MAP1A: variants seen among roughly 807,000 people sequenced by gnomAD.
The protein encoded by MAP1A is microtubule-associated protein 1A.
In MAP1A, 42 loss-of-function variants were observed where a neutral mutation model predicts 185.9. That is an observed-to-expected ratio of 0.23 (90% CI 0.18 to 0.29). MAP1A has a LOEUF of 0.29. Ranked by LOEUF, MAP1A falls within the 10% of genes least tolerant of loss-of-function variation. The pLI, the probability that MAP1A is intolerant of heterozygous loss-of-function variation, is 1.00. For synonymous variants in MAP1A, 1,229 were observed against 1,335.9 expected (o/e 0.92, Z 1.74); for missense variants, 2,995 against 3,450.4 (o/e 0.87, Z 3.31).
At position 43,525,433 on chromosome 15, in the gene MAP1A, T is replaced by G; in HGVS notation, c.3960T>G (p.Asp1320Glu). ...CTGATGAACACATTCTGACACCTGATAGCTCCTTCTCCAAGAGTCCTGAGT... is the reference window on the plus strand; with the variant it reads ...CTGATGAACACATTCTGACACCTGAGAGCTCCTTCTCCAAGAGTCCTGAGT... ...TSPDEHILTP[D>E]SSFSKSPESL... Residue 1320 changes from aspartate (D) to glutamate (E), a missense_variant, in exon 4 of 6, where the codon GAT becomes GAG. Physicochemically the swap from Asp to Glu is conservative, Grantham distance 45. Coordinates refer to ENST00000300231, the MANE Select transcript of MAP1A (RefSeq NM_002373.6). 1.2e-6 allele frequency: 2 copies of G among 1,614,182 alleles called. No individual in the cohort carries two copies. The highest frequency in any genetic ancestry group is 1.7e-6 in the Non-Finnish European group (2 of 1,180,026).
rs1462153283 is a variant in MAP1A, at chr15:43,521,944, G to A, written c.471G>A (p.Glu157=). The A allele has an allele frequency of 6.2e-7, 1 of 1,614,188 alleles. No homozygotes were observed. The highest frequency in any genetic ancestry group is 8.5e-7 in the Non-Finnish European group (1 of 1,180,036). Residue 157 remains glutamate, a synonymous_variant, in exon 4 of 6, where the codon GAG becomes GAA. Coordinates refer to ENST00000300231, the MANE Select transcript of MAP1A (RefSeq NM_002373.6). This position sits in a 1 kb window ranked among gnomAD's most constrained non-coding sequence, Gnocchi z 4.6. ...CCCGGAAAGCCAAGCGTAGCATTGA[G>A]GAGGCCTGCCTCACTCTGCAGCACT... ...DASRKAKRSI[E]EACLTLQHLN...
At chr15:43,512,377 G>C in intron 2 of MAP1A, 1 of 940,776 alleles carries the variant, frequency 1.1e-6, no homozygotes, top group Non-Finnish European at 1.7e-6. Flanking sequence ...CCTTGCGGGA[G>C]GTTTGAGTGG....
rs780101603 is a variant in MAP1A at position 43,527,840 on chromosome 15, C to A, written c.6367C>A (p.Gln2123Lys). The change falls in exon 4 of 6, where the codon CAA becomes AAA. Residue 2123 changes from glutamine to lysine, a missense_variant. Physicochemically the swap from Gln to Lys is moderately conservative, Grantham distance 53. Transcript: ENST00000300231. Reference sequence around the variant, plus strand: ...TCGGGAACAGCCAGAAAAAGAGGCCCAATCCCCAAGTCCTCCTCACCCCAT... The same window carrying A: ...TCGGGAACAGCCAGAAAAAGAGGCCAAATCCCCAAGTCCTCCTCACCCCAT... ...GAREQPEKEA[Q>K]SPSPPHPIPM... The A allele has an allele frequency of 3.7e-6, 6 of 1,613,870 alleles. No individual in the cohort carries two copies. The African/African-American group carries it at 8.0e-5, about 22-fold the overall frequency.
chr15:43,524,001 C>T lies in MAP1A; in HGVS notation c.2528C>T (p.Thr843Ile), dbSNP rs772780219. 2.5e-6 allele frequency: 4 copies of T among 1,614,126 alleles called. No individual in the cohort carries two copies. The East Asian group carries it at 8.9e-5, about 36-fold the overall frequency. Residue 843 changes from threonine (T) to isoleucine (I), a missense_variant, in exon 4 of 6, where the codon ACA (threonine) becomes ATA (isoleucine). Thr to Ile is a moderately conservative substitution (Grantham distance 89). Coordinates refer to ENST00000300231, the MANE Select transcript of MAP1A (RefSeq NM_002373.6). The stretch of plus-strand genomic sequence containing the variant: ...TGTGACAAACTTTCTTCCTTTGCCA[C>T]ATCAGTGGCTGAGGACCAATCTGTG... ...TECDKLSSFA[T>I]SVAEDQSVAS...
upstream of MAP1A, among the ~76,000 whole-genome samples, chr15:43,514,279 G>A (rs986113323): frequency 6.6e-6 from 1 of 152,188 alleles, no homozygotes; most frequent in South Asian, 2.1e-4. Flanking sequence ...CAGGAGAATA[G>A]TAGAGAATTT....
In MAP1A at chr15:43,525,191, C is replaced by G; in HGVS notation, c.3718C>G (p.Leu1240Val). ...CCTTGGGAAGGAAGAAATGGGGCAT[C>G]TGATGCAGGCCGAGGATACCTCTCA... ...LNLGKEEMGH[L>V]MQAEDTSHHT... Residue 1240 changes from leucine (L) to valine (V), a missense_variant, in exon 4 of 6, where the codon CTG becomes GTG. By Grantham distance (32) the Leu-to-Val change is conservative. Around this residue, in one of 3 missense-constraint regions of MAP1A, gnomAD observed 2,728 missense variants for 2,986.0 expected, o/e 0.91. Coordinates refer to ENST00000300231, the MANE Select transcript of MAP1A (RefSeq NM_002373.6). 1 of 1,614,182 alleles carries G rather than the reference C, an allele frequency of 6.2e-7. No homozygotes were observed.
At position 43,521,599 on chromosome 15, in the gene MAP1A, C is replaced by T. The variant is rs758390056; in HGVS notation, c.126C>T (p.Ile42=). 1.9e-6 allele frequency: 3 copies of T among 1,614,162 alleles called. No homozygotes were observed. Among genetic ancestry groups the T allele is most frequent in the South Asian group, 2.2e-5 (2 of 91,084 alleles). The change falls in exon 4 of 6, where the codon ATC becomes ATT. Residue 42 remains isoleucine (I), a synonymous_variant. Coordinates refer to ENST00000300231, the MANE Select transcript of MAP1A (RefSeq NM_002373.6). This position sits in a 1 kb window ranked among gnomAD's most constrained non-coding sequence, Gnocchi z 4.6. ...FLKLSKPCCY[I]FPGGRGDSAL... Reference sequence around the variant, plus strand: ...AGCTCTCCAAGCCTTGTTGCTACATCTTCCCAGGTGGTCGTGGGGACTCTG... The same window carrying T: ...AGCTCTCCAAGCCTTGTTGCTACATTTTCCCAGGTGGTCGTGGGGACTCTG...
chr15:43,524,552 G>A lies in MAP1A; in HGVS notation c.3079G>A (p.Ala1027Thr), dbSNP rs188722840. 1.2e-6 allele frequency: 2 copies of A among 1,614,146 alleles called. No homozygotes were observed. Among genetic ancestry groups the A allele is most frequent in the East Asian group, 4.5e-5 (2 of 44,876 alleles). ...EKSEPQDFQE[A>T]DSWGDTKRTP... The stretch of plus-strand genomic sequence containing the variant: ...GTCTGAGCCCCAAGACTTTCAGGAG[G>A]CAGACTCCTGGGGAGACACTAAGCG... Residue 1027 changes from alanine to threonine, a missense_variant, in exon 4 of 6, where the codon GCA becomes ACA. Ala to Thr is a moderately conservative substitution (Grantham distance 58, BLOSUM62 0). This residue lies in a region of MAP1A where 2,728 missense variants were observed against 2,986.0 expected (regional missense o/e 0.91). Coordinates refer to ENST00000300231, the MANE Select transcript of MAP1A (RefSeq NM_002373.6).
chr15:43,529,179 G>A lies in MAP1A; in HGVS notation c.7706G>A (p.Arg2569His), dbSNP rs765196727. 10 of 842,396 alleles carry A rather than the reference G, an allele frequency of 1.2e-5. No homozygotes were observed. Among genetic ancestry groups the A allele is most frequent in the South Asian group, 3.9e-5 (3 of 77,200 alleles). 52.2% of individuals were successfully genotyped at this position (842,396 alleles called of 1,614,324 possible). A position where few individuals can be genotyped will look rare whatever the true frequency, so the allele number is the denominator to read the frequency against. Residue 2569 changes from arginine (R) to histidine (H), a missense_variant, in exon 4 of 6, where the codon CGC becomes CAC. This residue lies in a region of MAP1A where 2,728 missense variants were observed against 2,986.0 expected (regional missense o/e 0.91). Transcript: ENST00000300231. The surrounding 1 kb of genome is among the most constrained non-coding windows in gnomAD (Gnocchi z 4.3). The part of the protein sequence containing the change: ...DPPPLPQPDP[R>H]PSPPRPDVCM... ...CCTCCTCTCCCACAGCCAGACCCCC[G>A]CCCATCCCCTCCCCGCCCTGATGTG...
intron 1 of MAP1A, among the ~76,000 whole-genome samples, chr15:43,511,733 T>G (rs2140198987): frequency 6.6e-6 from 1 of 152,328 alleles, no homozygotes; most frequent in East Asian, 1.9e-4. Flanking sequence ...TGCCTGTGGC[T>G]GTGGTGCAGT....
Position 43,528,971 on chromosome 15 carries a change from C to G in MAP1A, c.7498C>G (p.Pro2500Ala). ...GPCPVTDETPPTSASDSGSSQ... is the reference protein window; with the variant it reads ...GPCPVTDETPATSASDSGSSQ... Reference sequence around the variant, plus strand: ...ATGCCCTGTGACTGATGAGACACCCCCTACATCAGCCAGTGACTCAGGCTC... The same window carrying G: ...ATGCCCTGTGACTGATGAGACACCCGCTACATCAGCCAGTGACTCAGGCTC... Residue 2500 changes from proline (P) to alanine (A), a missense_variant, in exon 4 of 6, where the codon CCT (proline) becomes GCT (alanine). Around this residue, in one of 3 missense-constraint regions of MAP1A, gnomAD observed 2,728 missense variants for 2,986.0 expected, o/e 0.91. Transcript: ENST00000300231. The G allele has an allele frequency of 6.2e-7, 1 of 1,613,384 alleles. No individual in the cohort carries two copies. The highest frequency in any genetic ancestry group is 8.5e-7 in the Non-Finnish European group (1 of 1,180,014).
chr15:43,523,314 C>T lies in MAP1A; in HGVS notation c.1841C>T (p.Ala614Val). ...AAGGACAGAGGCCTAGACTCTGGGGCTGAAACAGAGGAAGAGAAAGATACC... is the reference window on the plus strand; with the variant it reads ...AAGGACAGAGGCCTAGACTCTGGGGTTGAAACAGAGGAAGAGAAAGATACC... The part of the protein sequence containing the change: ...GSKDRGLDSG[A>V]ETEEEKDTWE... Residue 614 changes from alanine to valine, a missense_variant, in exon 4 of 6, where the codon GCT (alanine) becomes GTT (valine). Ala to Val is a moderately conservative substitution (Grantham distance 64). This residue lies in a region of MAP1A where 2,728 missense variants were observed against 2,986.0 expected (regional missense o/e 0.91). Coordinates refer to ENST00000300231, the MANE Select transcript of MAP1A (RefSeq NM_002373.6). 6.2e-7 allele frequency: 1 copy of T among 1,611,144 alleles called. No homozygotes were observed. Among genetic ancestry groups the T allele is most frequent in the Non-Finnish European group, 8.5e-7 (1 of 1,178,556 alleles).
At chr15:43,514,891 C>T (rs955248018), upstream of MAP1A, among the ~76,000 whole-genome samples, 1 of 152,150 alleles carries the variant, frequency 6.6e-6, no homozygotes, top group African/African-American at 2.4e-5. Context: ...TAGAAGGGGG[C>T]TTATAATTCA....
At position 43,531,286 on chromosome 15, in the gene MAP1A, G is replaced by A. The variant is rs2079370567; in HGVS notation, c.*1062G>A. On this transcript the variant is annotated 3_prime_UTR_variant, in exon 6 of 6. Transcript: ENST00000300231. ...AAATGAGATGGAGGAAGGAAAAAGG[G>A]AGAAGCTGAGCCACAGCTTAACTCC... is the stretch of plus-strand genomic sequence containing the variant. 6.5e-6 allele frequency: 1 copy of A among 152,738 alleles called. No individual in the cohort carries two copies. The highest frequency in any genetic ancestry group is 2.4e-5 in the African/African-American group (1 of 41,436). 9.5% of individuals were successfully genotyped at this position (152,738 alleles called of 1,614,324 possible). A position where few individuals can be genotyped will look rare whatever the true frequency, so the allele number is the denominator to read the frequency against.
Position 43,526,647 on chromosome 15 carries a change from G to C in MAP1A, c.5174G>C (p.Arg1725Pro). 1 of 1,614,042 alleles carries C rather than the reference G, an allele frequency of 6.2e-7. No individual in the cohort carries two copies. Among genetic ancestry groups the C allele is most frequent in the Non-Finnish European group, 8.5e-7 (1 of 1,179,990 alleles). Residue 1725 changes from arginine (R) to proline (P), a missense_variant, in exon 4 of 6, where the codon CGG becomes CCG. Transcript: ENST00000300231. The surrounding 1 kb of genome is among the most constrained non-coding windows in gnomAD (Gnocchi z 4.7). ...QGARPHYTEE[R>P]ESTFLDEGPD... ...GCCCGCCCACACTACACTGAGGAAC[G>C]GGAAAGCACTTTCCTAGATGAGGGC... is the stretch of plus-strand genomic sequence containing the variant.
At chr15:43,511,126 G>A in exon 1 of MAP1A, 1 of 1,550,422 alleles carries the variant, frequency 6.4e-7, no homozygotes. Context: ...CCGCGGTGGC[G>A]GCTGCACGCT....
In MAP1A at chr15:43,523,195, G is replaced by A. The variant is rs1230414705; in HGVS notation, c.1722G>A (p.Gln574=). ...AEEGPPSTAI[Q]GTPPSVPGLG... Reference sequence around the variant, plus strand: ...AGGGACCCCCAAGTACAGCTATCCAGGGAACACCACCCTCTGTTCCAGGGC... The same window carrying A: ...AGGGACCCCCAAGTACAGCTATCCAAGGAACACCACCCTCTGTTCCAGGGC... The change falls in exon 4 of 6, where the codon CAG becomes CAA. Residue 574 remains glutamine (Q), a synonymous_variant. Transcript: ENST00000300231. The A allele has an allele frequency of 1.2e-6, 2 of 1,614,170 alleles. No individual in the cohort carries two copies. Among genetic ancestry groups the A allele is most frequent in the East Asian group, 4.5e-5 (2 of 44,878 alleles).
At position 43,524,314 on chromosome 15, in the gene MAP1A, C is replaced by A; in HGVS notation, c.2841C>A (p.Asn947Lys). ...AAGAGGAAGAGGAGGAGACAGCAAA[C>A]GTAGAGATGTCTGAGAAACTTTGCA... ...AVEEEEEETA[N>K]VEMSEKLCSQ... The change falls in exon 4 of 6, where the codon AAC becomes AAA. Residue 947 changes from asparagine (N) to lysine (K), a missense_variant. Asn to Lys is a moderately conservative substitution (Grantham distance 94). This residue lies in a region of MAP1A where 2,728 missense variants were observed against 2,986.0 expected (regional missense o/e 0.91). Coordinates refer to ENST00000300231, the MANE Select transcript of MAP1A (RefSeq NM_002373.6). The A allele has an allele frequency of 1.2e-6, 2 of 1,614,204 alleles. No homozygotes were observed. The highest frequency in any genetic ancestry group is 1.7e-6 in the Non-Finnish European group (2 of 1,180,032).
chr15:43,511,202 G>A, exon 1 of MAP1A: 3 of 1,550,540 alleles, frequency 1.9e-6, no homozygotes, highest in Non-Finnish European at 2.6e-6. Flanking sequence ...TCAGCTGAGG[G>A]CCGTGCGGGC....
Sources: gnomAD v4.1 joint callset for allele counts (sites outside exome capture counted in the v4.1 genomes callset) on GRCh38, gnomAD v4.1.1 for gene constraint, gnomAD v4.1.1 regional missense constraint, Gnocchi (gnomAD v3.1) non-coding constraint, MANE v1.5 for transcripts, NCBI Gene and HGNC (gene_info 2026-07-23, HGNC 2026-07-21) for gene names.